The following HS3ST3B1 variants were observed in gnomAD, a reference collection of about 807,000 sequenced individuals.
HS3ST3B1 encodes the protein heparan sulfate-glucosamine 3-sulfotransferase 3B1, also known as heparan sulfate glucosamine 3-O-sulfotransferase 3B1.
HS3ST3B1 carries 13 observed loss-of-function variants against 21.3 expected under a neutral mutation model. The ratio of observed to expected loss-of-function variants is 0.61; its 90% confidence interval spans 0.40 to 0.97. HS3ST3B1 has a LOEUF of 0.97. Ranked by LOEUF, HS3ST3B1 falls within the 50% of genes least tolerant of loss-of-function variation. The pLI is 0.00. For missense variants in HS3ST3B1, 459 were observed against 554.8 expected (o/e 0.83, Z 1.73); for synonymous variants, 234 against 254.8 (o/e 0.92, Z 0.78).
rs1300783618 is a variant in HS3ST3B1 at position 14,345,586 on chromosome 17, C to T, written c.1113C>T (p.Phe371=). The T allele has an allele frequency of 6.2e-7, 1 of 1,602,942 alleles. No homozygotes were observed. The highest frequency in any genetic ancestry group is 8.5e-7 in the Non-Finnish European group (1 of 1,174,100). Residue 371 remains phenylalanine, a synonymous_variant, in exon 2 of 2, where the codon TTC becomes TTT. Transcript: ENST00000360954. ...AGGTGGTGCGCAGGCTGCGCGAGTT[C>T]TACCGGCCTTTCAACCTCAAGTTCT... The part of the protein sequence containing the change: ...DREVVRRLRE[F]YRPFNLKFYQ...
chr17:14,337,374 C>T (rs1215142514), intron 1 of HS3ST3B1, among the ~76,000 whole-genome samples: 1 of 150,824 alleles, frequency 6.6e-6, no homozygotes, highest in Non-Finnish European at 1.5e-5. Context: ...GTTGCCCAGG[C>T]TGGAGTGCAG....
intron 1 of HS3ST3B1, among the ~76,000 whole-genome samples, chr17:14,335,210 C>CT (rs1414631983): frequency 3.3e-5 from 5 of 152,024 alleles, no homozygotes; most frequent in African/African-American, 7.2e-5. Flanking sequence ...AGCTGAAGCT[C>CT]TTGGGATTGG....
At chr17:14,340,893 T>C (rs1739474612) in intron 1 of HS3ST3B1, among the ~76,000 whole-genome samples, 1 of 152,316 alleles carries the variant, frequency 6.6e-6, no homozygotes, top group Admixed American at 6.5e-5. Context: ...GAGTAATTTT[T>C]TTCTTGGCAT....
In HS3ST3B1 at chr17:14,345,150, T is replaced by C. The variant is rs1425613454; in HGVS notation, c.677T>C (p.Val226Ala). ...TCCAAGGACACCAAGCTCATCGTGG[T>C]GGTGCGGGACCCGGTGACCAGGGCC... ...AMSKDTKLIV[V>A]VRDPVTRAIS... The change falls in exon 2 of 2, where the codon GTG becomes GCG. Residue 226 changes from valine (V) to alanine (A), a missense_variant. This residue lies in a region of HS3ST3B1 where 15 missense variants were observed against 66.3 expected (regional missense o/e 0.23). Coordinates refer to ENST00000360954, the MANE Select transcript of HS3ST3B1 (RefSeq NM_006041.3). 1 of 1,590,198 alleles carries C rather than the reference T, an allele frequency of 6.3e-7. No individual in the cohort carries two copies. Among genetic ancestry groups the C allele is most frequent in the South Asian group, 1.1e-5 (1 of 88,380 alleles).
intron 1 of HS3ST3B1, among the ~76,000 whole-genome samples, chr17:14,341,489 A>G (rs183374528): frequency 3.8e-4 from 58 of 152,164 alleles, no homozygotes; most frequent in African/African-American, 1.4e-3. Flanking sequence ...ACCAAAGCTA[A>G]CTTTGCAGTT....
intron 1 of HS3ST3B1, among the ~76,000 whole-genome samples, chr17:14,323,821 G>A (rs1006054528): frequency 3.9e-5 from 6 of 152,158 alleles, no homozygotes; most frequent in East Asian, 1.9e-4. Flanking sequence ...TCTCCAAAAC[G>A]TGCTAATGGG....
At chr17:14,309,902 G>C (rs897939106) in intron 1 of HS3ST3B1, among the ~76,000 whole-genome samples, 1 of 152,144 alleles carries the variant, frequency 6.6e-6, no homozygotes, top group Non-Finnish European at 1.5e-5. Context: ...TTTTGGGTCT[G>C]GGAAGCGGGA....
chr17:14,342,759 A>G (rs1433422230), intron 1 of HS3ST3B1, among the ~76,000 whole-genome samples: 1 of 152,236 alleles, frequency 6.6e-6, no homozygotes, highest in Admixed American at 6.5e-5. Flanking sequence ...TAGAGCCAGA[A>G]TTTAAACCCA....
chr17:14,306,420 C>T (rs1909141455), intron 1 of HS3ST3B1, among the ~76,000 whole-genome samples: 1 of 152,170 alleles, frequency 6.6e-6, no homozygotes, highest in Non-Finnish European at 1.5e-5. Context: ...TGACACGTTC[C>T]AGAACTTCTT....
chr17:14,320,925 A>G (rs1319084536), intron 1 of HS3ST3B1, among the ~76,000 whole-genome samples: 3 of 152,172 alleles, frequency 2.0e-5, no homozygotes, highest in Non-Finnish European at 4.4e-5. Flanking sequence ...CCGAGTGTGC[A>G]ATTAGTGCCT....
In HS3ST3B1 at chr17:14,340,740, G is replaced by A. The variant is rs139008964; in HGVS notation, c.555-4288G>A. Among the ~76,000 whole-genome samples, 68 of 152,128 alleles carry A rather than the reference G, an allele frequency of 4.5e-4. No individual in the cohort carries two copies. In the East Asian group the frequency reaches 7.2e-3, roughly 16 times the overall value. ...CAGGATTACAGGCATGTGCCACCAC[G>A]CTCAGCTAATTTTTGTATTTTTAGG... On this transcript the variant is annotated intron_variant, in intron 1 of 1. Coordinates refer to ENST00000360954, the MANE Select transcript of HS3ST3B1 (RefSeq NM_006041.3).
chr17:14,310,121 A>G (rs1909261533), intron 1 of HS3ST3B1, among the ~76,000 whole-genome samples: 1 of 152,194 alleles, frequency 6.6e-6, no homozygotes, highest in Admixed American at 6.5e-5. Context: ...GGCCCATTAA[A>G]TGACAGGACG....
intron 1 of HS3ST3B1, chr17:14,328,477 G>A (rs1011266205): frequency 2.0e-5 from 3 of 152,190 alleles, no homozygotes; most frequent in Non-Finnish European, 4.4e-5. Flanking sequence ...CCCTAGGGAA[G>A]GGGGTGTGGA....
At position 14,340,987 on chromosome 17, in the gene HS3ST3B1, C is replaced by A. The variant is rs377567534; in HGVS notation, c.555-4041C>A. On this transcript the variant is annotated intron_variant, in intron 1 of 1. Coordinates refer to ENST00000360954, the MANE Select transcript of HS3ST3B1 (RefSeq NM_006041.3). The stretch of plus-strand genomic sequence containing the variant: ...ACAATAATCAAAATAAATTCTGAGG[C>A]TCCTTGAGTGCTTTCTGACACATGT... Among the ~76,000 whole-genome samples the A allele has an allele frequency of 2.8e-3, 428 of 152,234 alleles. 5 individuals carry two copies. The highest frequency in any genetic ancestry group is 8.9e-3 in the African/African-American group (370 of 41,536).
At chr17:14,313,102 G>GTGTGTATATATATACATATATATATA (rs763647286) in intron 1 of HS3ST3B1, among the ~76,000 whole-genome samples, 8,613 of 87,198 alleles carry the variant, frequency 0.099, 185 homozygotes, top group East Asian at 0.28. Context: ...TGGTGTGTGT[G>GTGTGTATATATATACATATATATATA]TGTGTGTATA....
In HS3ST3B1 at chr17:14,332,248, G is replaced by A. The variant is rs138816011; in HGVS notation, c.555-12780G>A. ...ACTTAAGGTTAGTACATTGGCTTTCGGAGAAGACAGTAGTTTAGGCCATGC... is the reference window on the plus strand; with the variant it reads ...ACTTAAGGTTAGTACATTGGCTTTCAGAGAAGACAGTAGTTTAGGCCATGC... On this transcript the variant is annotated intron_variant, in intron 1 of 1. Transcript: ENST00000360954. Among the ~76,000 whole-genome samples the A allele has an allele frequency of 5.3e-3, 806 of 152,238 alleles. 5 individuals carry two copies. Among genetic ancestry groups the A allele is most frequent in the African/African-American group, 0.018 (762 of 41,542 alleles).
chr17:14,314,903 A>T (rs1909449872), intron 1 of HS3ST3B1, among the ~76,000 whole-genome samples: 1 of 152,186 alleles, frequency 6.6e-6, no homozygotes. Flanking sequence ...CATTCTTGTT[A>T]GAGTTGGGCA....
At chr17:14,314,239 G>A (rs924381075) in intron 1 of HS3ST3B1, among the ~76,000 whole-genome samples, 52 of 151,676 alleles carry the variant, frequency 3.4e-4, no homozygotes, top group South Asian at 1.7e-3. Context: ...TCGGCCTCCC[G>A]AAATGCTGGG....
intron 1 of HS3ST3B1, among the ~76,000 whole-genome samples, chr17:14,311,227 C>A (rs1327722552): frequency 7.8e-6 from 1 of 127,768 alleles, no homozygotes; most frequent in African/African-American, 2.7e-5. Flanking sequence ...CACCACCATG[C>A]CTGGCTAATT....
Sources: gnomAD v4.1 joint callset for allele counts (sites outside exome capture counted in the v4.1 genomes callset) on GRCh38, gnomAD v4.1.1 for gene constraint, gnomAD v4.1.1 regional missense constraint, MANE v1.5 for transcripts, NCBI Gene and HGNC (gene_info 2026-07-23, HGNC 2026-07-21) for gene names.